Variants in SYTL2 observed in about 807,000 individuals in gnomAD.
SYTL2 encodes the protein synaptotagmin-like protein 2.
SYTL2 carries 165 observed loss-of-function variants against 198.7 expected under a neutral mutation model. The observed-to-expected ratio is 0.83, with a 90% CI of 0.73 to 0.94. SYTL2 has a LOEUF of 0.94. Among genes scored for constraint, SYTL2 ranks in the 40% least tolerant of loss-of-function variants. The pLI, the probability that SYTL2 is intolerant of heterozygous loss-of-function variation, is 0.00. For synonymous variants in SYTL2, 966 were observed against 917.7 expected (o/e 1.05, Z -0.95); for missense variants, 2,835 against 2,582.8 (o/e 1.10, Z -2.12).
chr11:85,746,914 A>G (rs1261742263), intron 3 of SYTL2, among the ~76,000 whole-genome samples: 1 of 152,220 alleles, frequency 6.6e-6, no homozygotes, highest in Non-Finnish European at 1.5e-5. Flanking sequence ...AACTTCTCTG[A>G]GCTTCATATG....
chr11:85,774,020 T>C (rs1376207355), intron 1 of SYTL2, among the ~76,000 whole-genome samples: 1 of 168 alleles, frequency 6.0e-3, no homozygotes, highest in Admixed American at 0.083. Flanking sequence ...TACACTAAAC[T>C]TTCTGAAAAT....
At position 85,694,388 on chromosome 11, in the gene SYTL2, A is replaced by T. The variant is rs1236098119; in HGVS notation, c.*807T>A. 1 of 152,248 alleles carries T rather than the reference A, an allele frequency of 6.6e-6. No homozygotes were observed. The highest frequency in any genetic ancestry group is 2.4e-5 in the African/African-American group (1 of 41,466). 9.4% of individuals were successfully genotyped at this position (152,248 alleles called of 1,614,324 possible). A position where few individuals can be genotyped will look rare whatever the true frequency, so the allele number is the denominator to read the frequency against. On this transcript the variant is annotated 3_prime_UTR_variant, in exon 20 of 20. Coordinates refer to ENST00000359152, the MANE Select transcript of SYTL2 (RefSeq NM_206927.4). Reference sequence around the variant, plus strand: ...AACTGAGCAACTTACATTCTAATTAAAACTTTGTTGCAAAACATGTTTGTG... The same window carrying T: ...AACTGAGCAACTTACATTCTAATTATAACTTTGTTGCAAAACATGTTTGTG...
rs774356534 is a variant in SYTL2, at chr11:85,705,011, T to C, written c.6036A>G (p.Gln2012=). ...NEILRYKIEK[Q]ILKTQKLNLS... Reference sequence around the variant, plus strand: ...GGTTCAATTTCTGTGTCTTTAAGATTTGTTTTTCAATTTTATACTGAAGTT... The same window carrying C: ...GGTTCAATTTCTGTGTCTTTAAGATCTGTTTTTCAATTTTATACTGAAGTT... Residue 2012 remains glutamine, a synonymous_variant, in exon 16 of 20, where the codon CAA becomes CAG. Coordinates refer to ENST00000359152, the MANE Select transcript of SYTL2 (RefSeq NM_206927.4). 8 of 1,611,250 alleles carry C rather than the reference T, an allele frequency of 5.0e-6. No individual in the cohort carries two copies. Among genetic ancestry groups the C allele is most frequent in the Non-Finnish European group, 6.8e-6 (8 of 1,178,486 alleles).
chr11:85,769,381 G>C (rs1174269223), intron 1 of SYTL2, among the ~76,000 whole-genome samples: 2 of 152,180 alleles, frequency 1.3e-5, no homozygotes, highest in Non-Finnish European at 2.9e-5. Flanking sequence ...GATGTGTTTT[G>C]AAGATGGAGG....
At chr11:85,816,765 A>T in the SYTL2 span, among the ~76,000 whole-genome samples, 1 of 152,052 alleles carries the variant, frequency 6.6e-6, no homozygotes, top group Non-Finnish European at 1.5e-5. Flanking sequence ...AAAATAAAAA[A>T]TAGCTGGACG....
chr11:85,729,531 T>C (rs2089587954), intron 7 of SYTL2, among the ~76,000 whole-genome samples: 1 of 152,198 alleles, frequency 6.6e-6, no homozygotes, highest in Admixed American at 6.5e-5. Flanking sequence ...AAATAAGTTC[T>C]TTGAAACCAA....
chr11:85,834,111 C>A, the SYTL2 span, among the ~76,000 whole-genome samples: 4 of 151,994 alleles, frequency 2.6e-5, no homozygotes, highest in East Asian at 7.7e-4. Context: ...AGGAAACAAG[C>A]TACCATGCAC....
intron 1 of SYTL2, among the ~76,000 whole-genome samples, chr11:85,801,476 T>C (rs2092885831): frequency 1.3e-5 from 2 of 152,198 alleles, no homozygotes; most frequent in African/African-American, 4.8e-5. Flanking sequence ...TGTACTCTCC[T>C]ATAGAAGTCT....
chr11:85,742,158 G>A (rs1157279178), intron 4 of SYTL2, among the ~76,000 whole-genome samples: 1 of 152,054 alleles, frequency 6.6e-6, no homozygotes, highest in Non-Finnish European at 1.5e-5. Context: ...CCAAGGACAG[G>A]GCATGGCCAC....
chr11:85,826,211 T>C, the SYTL2 span, among the ~76,000 whole-genome samples: 1 of 152,194 alleles, frequency 6.6e-6, no homozygotes, highest in African/African-American at 2.4e-5. Context: ...CATTAAACAT[T>C]GAAAAGCACT....
At chr11:85,848,617 T>A in the SYTL2 span, among the ~76,000 whole-genome samples, 1 of 152,372 alleles carries the variant, frequency 6.6e-6, no homozygotes, top group South Asian at 2.1e-4. Context: ...TGTACAAGTA[T>A]GTTTCTTGAT....
At chr11:85,703,296 C>A (rs2084630690) in intron 16 of SYTL2, among the ~76,000 whole-genome samples, 1 of 152,066 alleles carries the variant, frequency 6.6e-6, no homozygotes, top group African/African-American at 2.4e-5. Context: ...GCTCACTGAA[C>A]CCCAAACCTC....
At chr11:85,804,365 T>G (rs577277054) in intron 1 of SYTL2, among the ~76,000 whole-genome samples, 1 of 152,330 alleles carries the variant, frequency 6.6e-6, no homozygotes, top group East Asian at 1.9e-4. Context: ...AGGGTACAGA[T>G]AGCGTACAAT....
At chr11:85,792,332 G>T (rs1566029966) in intron 1 of SYTL2, among the ~76,000 whole-genome samples, 1 of 152,010 alleles carries the variant, frequency 6.6e-6, no homozygotes, top group African/African-American at 2.4e-5. Flanking sequence ...GGCAGTGGAG[G>T]CAATTGCAAG....
At chr11:85,711,494 C>T (rs1412331961) in intron 12 of SYTL2, among the ~76,000 whole-genome samples, 1 of 152,180 alleles carries the variant, frequency 6.6e-6, no homozygotes, top group African/African-American at 2.4e-5. Flanking sequence ...TCCCAAAGTG[C>T]TGCAGAAGAC....
intron 11 of SYTL2, chr11:85,714,961 T>C (rs1486048247): frequency 6.5e-6 from 1 of 154,218 alleles, no homozygotes; most frequent in Non-Finnish European, 1.4e-5. Flanking sequence ...AATAAAACTG[T>C]TCTGGTTGTT....
chr11:85,853,136 C>T, the SYTL2 span: 6 of 314,278 alleles, frequency 1.9e-5, no homozygotes, highest in Admixed American at 9.1e-5. Context: ...CCCCTCTGCC[C>T]GGCCGCCACC....
At chr11:85,772,062 C>T (rs2092366459) in intron 1 of SYTL2, among the ~76,000 whole-genome samples, 1 of 152,074 alleles carries the variant, frequency 6.6e-6, no homozygotes, top group African/African-American at 2.4e-5. Flanking sequence ...GACACAACGC[C>T]TGGCTAATTT....
the SYTL2 span, among the ~76,000 whole-genome samples, chr11:85,828,042 C>T: frequency 2.0e-5 from 3 of 152,142 alleles, no homozygotes; most frequent in Non-Finnish European, 4.4e-5. Context: ...AACCTCACTA[C>T]TAGCTAACTG....
Sources: gnomAD v4.1 joint callset for allele counts (sites outside exome capture counted in the v4.1 genomes callset) on GRCh38, gnomAD v4.1.1 for gene constraint, MANE v1.5 for transcripts, NCBI Gene and HGNC (gene_info 2026-07-23, HGNC 2026-07-21) for gene names.